Variants in LVRN observed in about 807,000 individuals in gnomAD.
LVRN encodes laeverin.
LVRN carries 99 observed loss-of-function variants against 111.4 expected under a neutral mutation model. The observed-to-expected ratio is 0.89, with a 90% CI of 0.76 to 1.05. The LOEUF is 1.05. Ranked by LOEUF, LVRN falls within the 50% of genes least tolerant of loss-of-function variation. LVRN has a pLI of 0.00. For synonymous variants in LVRN, 488 were observed against 449.5 expected, an observed-to-expected ratio of 1.09 and a Z score of -1.08; for missense variants, 1,414 against 1,206.8, an observed-to-expected ratio of 1.17 and a Z score of -2.54.
At chr5:116,024,211 C>T (rs376051717) in intron 19 of LVRN, among the ~76,000 whole-genome samples, 10 of 152,122 alleles carry the variant, frequency 6.6e-5, no homozygotes, top group African/African-American at 2.2e-4. Context: ...TTAAGTAGAT[C>T]TAGTTTATTG....
chr5:115,984,002 G>A (rs970105208), intron 2 of LVRN, among the ~76,000 whole-genome samples: 2 of 152,132 alleles, frequency 1.3e-5, no homozygotes, highest in African/African-American at 4.8e-5. Context: ...AACAAGTCTT[G>A]CTGTCTCCAG....
chr5:115,965,659 G>T (rs777476774), intron 1 of LVRN, among the ~76,000 whole-genome samples: 1 of 152,074 alleles, frequency 6.6e-6, no homozygotes, highest in African/African-American at 2.4e-5. Flanking sequence ...GGAACATGGG[G>T]GTGGTTTCCC....
At chr5:115,966,242 C>T (rs775539272) in intron 1 of LVRN, among the ~76,000 whole-genome samples, 1 of 152,222 alleles carries the variant, frequency 6.6e-6, no homozygotes, top group Non-Finnish European at 1.5e-5. Flanking sequence ...TCATCTCTAA[C>T]CCCTGACAAC....
At chr5:115,978,277 T>C (rs988200235) in intron 1 of LVRN, among the ~76,000 whole-genome samples, 5 of 152,164 alleles carry the variant, frequency 3.3e-5, no homozygotes, top group African/African-American at 1.2e-4. Context: ...CCTATAAAGG[T>C]GTCAAACCCA....
chr5:115,979,002 G>C (rs938332805), intron 1 of LVRN, among the ~76,000 whole-genome samples: 5 of 151,838 alleles, frequency 3.3e-5, no homozygotes, highest in Non-Finnish European at 5.9e-5. Context: ...TCTTTGTTCT[G>C]ATAGTCATCA....
At chr5:116,023,625 G>C (rs1186079201) in intron 19 of LVRN, 3 of 152,162 alleles carry the variant, frequency 2.0e-5, no homozygotes, top group Non-Finnish European at 2.9e-5. Context: ...GTTCTGGAAG[G>C]AAAAAGGGCT....
chr5:116,012,296 GATAA>G, intron 14 of LVRN, 74 bp from the exon 15 acceptor site: 1 of 784,620 alleles, frequency 1.3e-6, no homozygotes, highest in Non-Finnish European at 2.1e-6. Context: ...TGTCTTTTCA[GATAA>G]ATAAATAGAA....
At chr5:115,989,499 C>T (rs1444059829) in intron 4 of LVRN, among the ~76,000 whole-genome samples, 3 of 152,096 alleles carry the variant, frequency 2.0e-5, no homozygotes, top group Non-Finnish European at 2.9e-5. Context: ...GCATATTCCA[C>T]CATCTGAACT....
chr5:115,965,099 T>A (rs1282751154), intron 1 of LVRN, among the ~76,000 whole-genome samples: 1 of 152,218 alleles, frequency 6.6e-6, no homozygotes, highest in African/African-American at 2.4e-5. Flanking sequence ...AACTGTCAAC[T>A]ATTAGAGTAC....
At chr5:115,964,611 T>C (rs1306590541) in intron 1 of LVRN, among the ~76,000 whole-genome samples, 4 of 147,882 alleles carry the variant, frequency 2.7e-5, no homozygotes, top group African/African-American at 9.9e-5. Flanking sequence ...TTTTTTTTTT[T>C]CTTGCTGTAG....
rs148576833 is a variant in LVRN, at chr5:115,969,963, C to T, written c.695+6651C>T. Among the ~76,000 whole-genome samples the T allele has an allele frequency of 7.4e-3, 1,120 of 152,096 alleles. 16 individuals carry two copies. Among genetic ancestry groups the T allele is most frequent in the African/African-American group, 0.02 (815 of 41,462 alleles). ...TTCTTCTCTGCTAAGTTTAGCATCT[C>T]TGTCATTTTTTGTTTTGTTTCTATT... On this transcript the variant is annotated intron_variant, in intron 1 of 19. Coordinates refer to ENST00000357872, the MANE Select transcript of LVRN (RefSeq NM_173800.5).
intron 12 of LVRN, among the ~76,000 whole-genome samples, chr5:116,003,681 A>G (rs948379979): frequency 3.3e-5 from 5 of 150,388 alleles, no homozygotes; most frequent in Non-Finnish European, 7.4e-5. Context: ...TCCCGGGTTC[A>G]CGCCATTCTC....
intron 5 of LVRN, among the ~76,000 whole-genome samples, 188 bp from the exon 6 acceptor site, chr5:115,993,553 G>T (rs1346478): frequency 0.19 from 29,164 of 152,114 alleles, 3,250 homozygotes; most frequent in East Asian, 0.48. Context: ...AGAAATGCAT[G>T]ACTAATATCT....
intron 1 of LVRN, among the ~76,000 whole-genome samples, chr5:115,977,513 C>CAAAT (rs1358352628): frequency 6.6e-6 from 1 of 152,162 alleles, no homozygotes. Flanking sequence ...CTATGTTACT[C>CAAAT]CCTGTGGTGG....
chr5:115,975,068 C>T, intron 1 of LVRN: 1 of 323,580 alleles, frequency 3.1e-6, no homozygotes, highest in Non-Finnish European at 6.0e-6. Flanking sequence ...ATTTGCTTCA[C>T]TAAACTTAAT....
At chr5:115,987,509 T>C (rs1321189067) in intron 3 of LVRN, among the ~76,000 whole-genome samples, 1 of 152,142 alleles carries the variant, frequency 6.6e-6, no homozygotes, top group African/African-American at 2.4e-5. Context: ...GCCTATAGAA[T>C]CTACACTTAC....
chr5:115,976,337 T>C (rs2112561950), intron 1 of LVRN: 1 of 152,368 alleles, frequency 6.6e-6, no homozygotes. Context: ...CTGACCATGC[T>C]GTTGTAGGAC....
chr5:116,000,280 TTTTG>T (rs1748211191), intron 7 of LVRN, among the ~76,000 whole-genome samples, 149 bp from the exon 8 acceptor site: 1 of 152,236 alleles, frequency 6.6e-6, no homozygotes, highest in South Asian at 2.1e-4. Context: ...CAGCCTACTA[TTTTG>T]TTAGCACATT....
chr5:116,018,587 G>A (rs1243582513), intron 18 of LVRN, among the ~76,000 whole-genome samples: 2 of 152,110 alleles, frequency 1.3e-5, no homozygotes, highest in African/African-American at 2.4e-5. Flanking sequence ...CAGGAGAATC[G>A]CTTGAACCCG....
Sources: gnomAD v4.1 joint callset for allele counts (sites outside exome capture counted in the v4.1 genomes callset) on GRCh38, gnomAD v4.1.1 for gene constraint, MANE v1.5 for transcripts, NCBI Gene and HGNC (gene_info 2026-07-23, HGNC 2026-07-21) for gene names.